TMEM132D: variants seen among roughly 807,000 people sequenced by gnomAD.
TMEM132D encodes the protein transmembrane protein 132D, also known as mature OL transmembrane protein.
Under a neutral mutation model 62.3 loss-of-function variants are expected in TMEM132D, and 21 were observed. The observed-to-expected ratio is 0.34, with a 90% confidence interval of 0.24 to 0.49. The LOEUF (loss-of-function observed/expected upper bound fraction) is 0.49, where lower values mean the gene tolerates loss of function less well. TMEM132D is among the 20% of genes least tolerant of loss of function. The probability of loss-of-function intolerance (pLI) is 0.99; values close to 1 mark genes in which losing one functional copy is unlikely to be tolerated. For synonymous variants in TMEM132D, 621 were observed against 575.6 expected, an observed-to-expected ratio of 1.08 and a Z score of -1.13; for missense variants, 1,346 against 1,402.8, an observed-to-expected ratio of 0.96 and a Z score of 0.65.
At chr12:129,352,549 T>G (rs549557364) in intron 3 of TMEM132D, among the ~76,000 whole-genome samples, 8 of 151,702 alleles carry the variant, frequency 5.3e-5, no homozygotes, top group African/African-American at 1.9e-4. Flanking sequence ...ACAAGGAACT[T>G]AAACAAATTT....
intron 1 of TMEM132D, among the ~76,000 whole-genome samples, chr12:129,717,849 C>A (rs7315522): frequency 6.6e-6 from 1 of 152,082 alleles, no homozygotes; most frequent in African/African-American, 2.4e-5. Flanking sequence ...CTGTCATGTA[C>A]GGTTGTTCAA....
intron 2 of TMEM132D, among the ~76,000 whole-genome samples, chr12:129,632,117 C>G (rs530921127): frequency 1.2e-4 from 19 of 152,216 alleles, no homozygotes; most frequent in Admixed American, 5.9e-4. Context: ...TCGGTGCTGA[C>G]TTATGAAAGA....
At chr12:129,089,844 A>G (rs1428864917) in intron 5 of TMEM132D, among the ~76,000 whole-genome samples, 1 of 152,230 alleles carries the variant, frequency 6.6e-6, no homozygotes, top group Admixed American at 6.5e-5. Context: ...GAAGGGGCGT[A>G]GACCAGATTC....
At chr12:129,291,091 T>A (rs188400772) in intron 4 of TMEM132D, among the ~76,000 whole-genome samples, 84 of 152,320 alleles carry the variant, frequency 5.5e-4, no homozygotes, top group African/African-American at 2.0e-3. Context: ...AAATGGAATT[T>A]TCGTTGCAGG....
chr12:129,641,327 A>G (rs988749846), intron 2 of TMEM132D, among the ~76,000 whole-genome samples: 1 of 152,152 alleles, frequency 6.6e-6, no homozygotes, highest in Non-Finnish European at 1.5e-5. Context: ...TCATTCATTT[A>G]TTCATTCTCT....
chr12:129,472,716 A>C (rs931118091), intron 3 of TMEM132D, among the ~76,000 whole-genome samples: 1 of 152,358 alleles, frequency 6.6e-6, no homozygotes, highest in South Asian at 2.1e-4. Flanking sequence ...GCTTCAACCT[A>C]GTTGATAAAA....
At chr12:129,526,301 G>A (rs1259319857) in intron 3 of TMEM132D, among the ~76,000 whole-genome samples, 1 of 151,606 alleles carries the variant, frequency 6.6e-6, no homozygotes, top group Non-Finnish European at 1.5e-5. Context: ...TTTTTTCCTC[G>A]AGACAAAGTC....
chr12:129,432,322 G>C (rs202128490), intron 3 of TMEM132D, among the ~76,000 whole-genome samples: 1 of 102,158 alleles, frequency 9.8e-6, no homozygotes, highest in East Asian at 4.0e-4. Flanking sequence ...TGGATGCTTG[G>C]ATGGATGGAT....
intron 4 of TMEM132D, among the ~76,000 whole-genome samples, chr12:129,210,456 C>T (rs562870708): frequency 2.1e-4 from 32 of 151,880 alleles, no homozygotes; most frequent in Non-Finnish European, 3.5e-4. Flanking sequence ...GCACCACACA[C>T]ATCCACACTC....
intron 3 of TMEM132D, among the ~76,000 whole-genome samples, chr12:129,418,773 G>A (rs1480440061): frequency 2.0e-5 from 3 of 152,124 alleles, no homozygotes; most frequent in Non-Finnish European, 4.4e-5. Flanking sequence ...CTCTACAGTT[G>A]TAATTAGCTA....
chr12:129,587,819 A>C (rs1213046107), intron 2 of TMEM132D, among the ~76,000 whole-genome samples: 1 of 152,178 alleles, frequency 6.6e-6, no homozygotes, highest in Non-Finnish European at 1.5e-5. Flanking sequence ...GATGCTGGCC[A>C]GGGGGTATAT....
chr12:129,081,083 C>T (rs1487451175), intron 7 of TMEM132D, among the ~76,000 whole-genome samples: 1 of 152,130 alleles, frequency 6.6e-6, no homozygotes, highest in African/African-American at 2.4e-5. Context: ...TGCTCAGTGG[C>T]GGAAAGTGGC....
chr12:129,216,217 A>G (rs1353460195), intron 4 of TMEM132D, among the ~76,000 whole-genome samples: 2 of 152,182 alleles, frequency 1.3e-5, no homozygotes, highest in Non-Finnish European at 2.9e-5. Context: ...GTGCGTTAGT[A>G]TTTGTAGAGT....
intron 5 of TMEM132D, among the ~76,000 whole-genome samples, chr12:129,116,703 C>T (rs1875900586): frequency 6.6e-6 from 1 of 151,854 alleles, no homozygotes. Flanking sequence ...TGATTATATT[C>T]CTAGTAGAAC....
intron 3 of TMEM132D, among the ~76,000 whole-genome samples, chr12:129,525,226 G>GTTTTTTTTTT (rs765569025): frequency 4.5e-5 from 3 of 67,392 alleles, no homozygotes; most frequent in Admixed American, 2.1e-4. Flanking sequence ...TGCCCAGCCG[G>GTTTTTTTTTT]TTTTTTTTTT....
intron 4 of TMEM132D, among the ~76,000 whole-genome samples, chr12:129,299,628 G>GT (rs11394064): frequency 0.47 from 64,789 of 136,938 alleles, 15,492 homozygotes; most frequent in East Asian, 0.83. Context: ...GAACAATCAG[G>GT]TTTTTTTTTT....
At chr12:129,168,313 T>C (rs1409216551) in intron 5 of TMEM132D, among the ~76,000 whole-genome samples, 1 of 152,138 alleles carries the variant, frequency 6.6e-6, no homozygotes, top group East Asian at 1.9e-4. Context: ...AAATTATCCT[T>C]TAAAAGTATA....
chr12:129,367,152 A>G (rs1009640043), intron 3 of TMEM132D, among the ~76,000 whole-genome samples: 2 of 152,218 alleles, frequency 1.3e-5, no homozygotes, highest in Non-Finnish European at 2.9e-5. Context: ...CCAAGGACAA[A>G]ACATGGTGCT....
At chr12:129,768,685 G>A (rs1216448321) in intron 1 of TMEM132D, among the ~76,000 whole-genome samples, 1 of 152,168 alleles carries the variant, frequency 6.6e-6, no homozygotes, top group Non-Finnish European at 1.5e-5. Context: ...GCGAAACAGG[G>A]ACAGTGCTGG....
Sources: gnomAD v4.1 joint callset for allele counts (sites outside exome capture counted in the v4.1 genomes callset) on GRCh38, gnomAD v4.1.1 for gene constraint, MANE v1.5 for transcripts, NCBI Gene and HGNC (gene_info 2026-07-23, HGNC 2026-07-21) for gene names.